The following LRBA variants were observed in gnomAD, a reference collection of about 807,000 sequenced individuals.
The protein encoded by LRBA is lipopolysaccharide-responsive and beige-like anchor protein.
A neutral mutation model predicts 330.0 loss-of-function variants in LRBA; 176 were observed. That is an observed-to-expected ratio of 0.53 (90% CI 0.47 to 0.60). LRBA has a LOEUF of 0.60. LRBA is among the 20% of genes least tolerant of loss of function. LRBA has a pLI of 0.00. For missense variants in LRBA, 3,259 were observed against 3,444.8 expected, an observed-to-expected ratio of 0.95 and a Z score of 1.35; for synonymous variants, 1,230 against 1,193.0, an observed-to-expected ratio of 1.03 and a Z score of -0.64.
At chr4:150,992,619 G>T (rs1354169106) in intron 2 of LRBA, among the ~76,000 whole-genome samples, 1 of 152,160 alleles carries the variant, frequency 6.6e-6, no homozygotes, top group Admixed American at 6.5e-5. Context: ...GAGATACCTG[G>T]GGTCTGAATT....
chr4:150,644,517 T>C (rs534867187), intron 37 of LRBA, among the ~76,000 whole-genome samples: 2 of 152,012 alleles, frequency 1.3e-5, no homozygotes, highest in Admixed American at 1.3e-4. Flanking sequence ...ATTATAGCCT[T>C]TCAGTGAAAA....
rs547839661 is a variant in LRBA at position 150,894,380 on chromosome 4, G to A, written c.2068-1231C>T. On this transcript the variant is annotated intron_variant, in intron 16 of 56. Coordinates refer to ENST00000651943, the MANE Select transcript of LRBA (RefSeq NM_001364905.1). Reference sequence around the variant, plus strand: ...AAAGATAACCAATAAATGTTTACTCGGTCAACATACCACTAATATGTGGTA... The same window carrying A: ...AAAGATAACCAATAAATGTTTACTCAGTCAACATACCACTAATATGTGGTA... 3.9e-5 allele frequency among the ~76,000 whole-genome samples: 6 copies of A among 152,056 alleles called. 1 individual carries two copies. The East Asian group carries it at 9.7e-4, about 24-fold the overall frequency.
At chr4:150,490,689 A>G (rs80114070) in intron 41 of LRBA, among the ~76,000 whole-genome samples, 58 of 152,032 alleles carry the variant, frequency 3.8e-4, no homozygotes, top group Non-Finnish European at 5.9e-5. Flanking sequence ...ATAAAGCCTT[A>G]TATCAATTTG....
In LRBA at chr4:150,264,640, A is replaced by G. The variant is rs1745077605; in HGVS notation, c.*1082T>C. 1 of 152,634 alleles carries G rather than the reference A, an allele frequency of 6.6e-6. No homozygotes were observed. Among genetic ancestry groups the G allele is most frequent in the Non-Finnish European group, 1.5e-5 (1 of 68,044 alleles). 9.5% of individuals were successfully genotyped at this position (152,634 alleles called of 1,614,324 possible). ...GAGGGACCACTTGAAGTCTGTTGCA[A>G]GAGAAATAGAGATCAAAGTTCACAA... On this transcript the variant is annotated 3_prime_UTR_variant, in exon 57 of 57. Coordinates refer to ENST00000651943, the MANE Select transcript of LRBA (RefSeq NM_001364905.1).
intron 35 of LRBA, among the ~76,000 whole-genome samples, chr4:150,755,054 C>T (rs903154021): frequency 1.6e-4 from 25 of 152,254 alleles, no homozygotes; most frequent in African/African-American, 6.0e-4. Flanking sequence ...ATTTTCTGGC[C>T]TCTCTCCCTC....
chr4:150,964,174 C>T (rs1473715101), intron 2 of LRBA, among the ~76,000 whole-genome samples: 1 of 148,300 alleles, frequency 6.7e-6, no homozygotes, highest in African/African-American at 2.6e-5. Context: ...AGGTGGGGGG[C>T]CCCTCTGCCC....
At chr4:150,934,557 C>T (rs147853726) in intron 2 of LRBA, among the ~76,000 whole-genome samples, 3 of 152,288 alleles carry the variant, frequency 2.0e-5, no homozygotes, top group Non-Finnish European at 4.4e-5. Flanking sequence ...TTATATCCTA[C>T]AGAAATCTTT....
chr4:150,828,635 A>C lies in LRBA; in HGVS notation c.4730-14T>G. On this transcript the variant is annotated splice_polypyrimidine_tract_variant and intron_variant, in intron 29 of 56. Transcript: ENST00000651943. ...CTGGTGTGATTTCTATATCATACCC[A>C]GAAACACAAGAAATAAACAAACAAA... 5 of 1,586,612 alleles carry C rather than the reference A, an allele frequency of 3.2e-6. 2 individuals carry two copies. In the Middle Eastern group the frequency reaches 8.6e-4, roughly 273 times the overall value.
intron 36 of LRBA, among the ~76,000 whole-genome samples, chr4:150,697,325 G>GAAAAAA (rs60145657): frequency 0.068 from 1,893 of 28,032 alleles, 784 homozygotes; most frequent in Admixed American, 0.12. Context: ...CTTTGTCTCA[G>GAAAAAA]AAAAAAAAAA....
intron 37 of LRBA, among the ~76,000 whole-genome samples, chr4:150,617,566 CGA>C (rs1420534030): frequency 6.6e-6 from 1 of 152,044 alleles, no homozygotes; most frequent in African/African-American, 2.4e-5. Context: ...CGCTTGAACC[CGA>C]GAGGCGGAGG....
intron 37 of LRBA, among the ~76,000 whole-genome samples, chr4:150,606,842 G>C (rs1774689306): frequency 6.6e-6 from 1 of 152,188 alleles, no homozygotes; most frequent in African/African-American, 2.4e-5. Context: ...TTTCAATGAG[G>C]ATCTATTTTG....
chr4:150,442,506 A>C (rs1751973885), intron 44 of LRBA, among the ~76,000 whole-genome samples: 2 of 152,206 alleles, frequency 1.3e-5, no homozygotes. Flanking sequence ...CCATCTGCCA[A>C]TGTAATCTTC....
intron 47 of LRBA, among the ~76,000 whole-genome samples, chr4:150,362,808 T>A (rs1295313007): frequency 6.6e-6 from 1 of 152,044 alleles, no homozygotes. Context: ...CTGAATTAAG[T>A]TTAGCTCATG....
At chr4:150,711,168 T>TA (rs1488793920) in intron 36 of LRBA, among the ~76,000 whole-genome samples, 5 of 152,052 alleles carry the variant, frequency 3.3e-5, no homozygotes, top group African/African-American at 2.4e-5. Flanking sequence ...CTTTTGTGGT[T>TA]AAAAATCACA....
rs1464199759 is a variant in LRBA, at chr4:150,544,654, C to T, written c.6330+43394G>A. ...AAGCTTGTTGTTCACCCCCTGTTGG[C>T]ATGTAAGCTCTGTAACATTAAGAAA... On this transcript the variant is annotated intron_variant, in intron 40 of 56. Coordinates refer to ENST00000651943, the MANE Select transcript of LRBA (RefSeq NM_001364905.1). Among the ~76,000 whole-genome samples the T allele has an allele frequency of 2.0e-5, 3 of 152,290 alleles. No homozygotes were observed. In the South Asian group the frequency reaches 6.2e-4, roughly 32 times the overall value.
intron 22 of LRBA, among the ~76,000 whole-genome samples, chr4:150,864,913 T>C (rs1322365943): frequency 2.0e-5 from 3 of 152,104 alleles, no homozygotes; most frequent in Non-Finnish European, 2.9e-5. Context: ...TGTGATTACA[T>C]GCATGTGCCA....
At chr4:150,279,846 A>G (rs1747279550) in intron 55 of LRBA, among the ~76,000 whole-genome samples, 1 of 152,226 alleles carries the variant, frequency 6.6e-6, no homozygotes, top group African/African-American at 2.4e-5. Context: ...ACTGCAGTGG[A>G]GACTAGGACA....
chr4:150,605,702 T>C (rs1774553677), intron 37 of LRBA, among the ~76,000 whole-genome samples: 1 of 152,018 alleles, frequency 6.6e-6, no homozygotes, highest in Admixed American at 6.6e-5. Flanking sequence ...TAAATCTTGG[T>C]GAAATAATGT....
intron 40 of LRBA, among the ~76,000 whole-genome samples, chr4:150,540,882 A>AAT (rs1554050784): frequency 6.6e-6 from 1 of 152,180 alleles, no homozygotes; most frequent in Non-Finnish European, 1.5e-5. Flanking sequence ...AACCATATAG[A>AAT]TGCACCATTA....
Sources: allele counts gnomAD v4.1 joint callset (sites outside exome capture counted in the v4.1 genomes callset), GRCh38; gene constraint gnomAD v4.1.1; transcripts MANE v1.5; gene names NCBI Gene and HGNC (gene_info 2026-07-23, HGNC 2026-07-21).